Variants in OR6B3 observed in about 807,000 individuals in gnomAD.
The protein encoded by OR6B3 is olfactory receptor 6B3.
For missense variants in OR6B3, 315 were observed against 427.4 expected (o/e 0.74, Z 2.32); for synonymous variants, 148 against 187.8 (o/e 0.79, Z 1.73).
chr2:240,050,644 A>G (rs1698244644), upstream of OR6B3, among the ~76,000 whole-genome samples: 1 of 151,004 alleles, frequency 6.6e-6, no homozygotes, highest in African/African-American at 2.4e-5. Context: ...AACCCGGGAG[A>G]CGGAGGTTGC....
At chr2:240,050,303 A>G (rs891081030), upstream of OR6B3, among the ~76,000 whole-genome samples, 1 of 152,266 alleles carries the variant, frequency 6.6e-6, no homozygotes, top group African/African-American at 2.4e-5. Flanking sequence ...TGACTGCAGA[A>G]TTAACATTTG....
exon 2 of OR6B3, chr2:240,046,034 G>A: frequency 6.2e-7 from 1 of 1,613,776 alleles, no homozygotes; most frequent in Non-Finnish European, 8.5e-7. Flanking sequence ...AGCCCACCAG[G>A]ATGAAGGTGC....
upstream of OR6B3, among the ~76,000 whole-genome samples, chr2:240,049,938 T>A (rs1164392022): frequency 3.9e-5 from 6 of 152,126 alleles, no homozygotes; most frequent in Non-Finnish European, 1.5e-5. Flanking sequence ...ATTGTTAGAG[T>A]AATATGAGTC....
the OR6B3 span, among the ~76,000 whole-genome samples, chr2:240,052,731 G>A: frequency 1.2e-3 from 187 of 152,358 alleles, 3 homozygotes; most frequent in East Asian, 0.031. This position sits in a 1 kb window ranked among gnomAD's most constrained non-coding sequence, Gnocchi z 4.5. Context: ...CTGGAAGCCC[G>A]TGGGCCCGAC....
At chr2:240,051,939 G>A (rs1372139355), upstream of OR6B3, among the ~76,000 whole-genome samples, 1 of 152,162 alleles carries the variant, frequency 6.6e-6, no homozygotes, top group African/African-American at 2.4e-5. Flanking sequence ...CTCCACCAAG[G>A]TCAGGATTAA....
upstream of OR6B3, among the ~76,000 whole-genome samples, chr2:240,048,215 A>G (rs908675610): frequency 2.0e-5 from 3 of 152,230 alleles, no homozygotes; most frequent in African/African-American, 7.2e-5. Context: ...TCTTTCAAGT[A>G]CACCGATTAA....
At chr2:240,051,086 G>C (rs186752565), upstream of OR6B3, among the ~76,000 whole-genome samples, 4 of 152,284 alleles carry the variant, frequency 2.6e-5, no homozygotes, top group East Asian at 7.7e-4. Flanking sequence ...GCAAAAACTT[G>C]TTCTGAAGTA....
At chr2:240,044,996 T>C (rs1393590916), downstream of OR6B3, 2 of 1,382,676 alleles carry the variant, frequency 1.4e-6, no homozygotes, top group Admixed American at 2.3e-5. Context: ...TCAGTTTTTT[T>C]CCTGAAGGAG....
At chr2:240,051,144 C>T (rs1233401858), upstream of OR6B3, among the ~76,000 whole-genome samples, 3 of 152,148 alleles carry the variant, frequency 2.0e-5, no homozygotes, top group Non-Finnish European at 4.4e-5. Context: ...AAAATATGAG[C>T]ATGCAACGCA....
upstream of OR6B3, among the ~76,000 whole-genome samples, chr2:240,051,607 T>C (rs1698256873): frequency 6.6e-6 from 1 of 152,226 alleles, no homozygotes; most frequent in Non-Finnish European, 1.5e-5. Flanking sequence ...AAACTATGTA[T>C]CGATTATTTT....
chr2:240,052,581 C>T, the OR6B3 span, among the ~76,000 whole-genome samples: 1 of 152,080 alleles, frequency 6.6e-6, no homozygotes, highest in Non-Finnish European at 1.5e-5. The surrounding 1 kb of genome is among the most constrained non-coding windows in gnomAD (Gnocchi z 4.5). Context: ...TCATTAAACC[C>T]ATGCTAAAAA....
chr2:240,051,809 C>T (rs1349500011), upstream of OR6B3, among the ~76,000 whole-genome samples: 1 of 152,122 alleles, frequency 6.6e-6, no homozygotes, highest in Non-Finnish European at 1.5e-5. Context: ...TAAAAACTCT[C>T]CCAAAACTTT....
chr2:240,050,910 A>G (rs1574920681), upstream of OR6B3, among the ~76,000 whole-genome samples: 5 of 152,292 alleles, frequency 3.3e-5, no homozygotes, highest in East Asian at 3.9e-4. Context: ...ACCCTGAGAA[A>G]ATATACACTT....
upstream of OR6B3, among the ~76,000 whole-genome samples, chr2:240,050,332 C>T (rs911827690): frequency 6.6e-6 from 1 of 152,198 alleles, no homozygotes; most frequent in Non-Finnish European, 1.5e-5. Context: ...AAATTTCAGA[C>T]CCCAAATGGT....
At chr2:240,048,524 T>C (rs1395578800), upstream of OR6B3, among the ~76,000 whole-genome samples, 2 of 152,092 alleles carry the variant, frequency 1.3e-5, no homozygotes, top group African/African-American at 4.8e-5. Flanking sequence ...GTGAAGCACC[T>C]CTTGCTGCGC....
At chr2:240,046,520 A>G (rs760297496) in intron 1 of OR6B3, among the ~76,000 whole-genome samples, 16 of 152,082 alleles carry the variant, frequency 1.1e-4, no homozygotes, top group Admixed American at 2.0e-4. Flanking sequence ...AAATTGGTAG[A>G]TATATGACCT....
chr2:240,048,283 C>T (rs985630338), upstream of OR6B3, among the ~76,000 whole-genome samples: 4 of 152,128 alleles, frequency 2.6e-5, no homozygotes, highest in African/African-American at 9.7e-5. Flanking sequence ...AAAGTGGAGT[C>T]CCTGGCCCTT....
At chr2:240,047,338 T>C (rs1031615651), upstream of OR6B3, among the ~76,000 whole-genome samples, 5 of 152,228 alleles carry the variant, frequency 3.3e-5, no homozygotes, top group African/African-American at 9.6e-5. Flanking sequence ...ATCCCTATTA[T>C]GAACACTATG....
At chr2:240,047,312 A>T (rs935659811), upstream of OR6B3, among the ~76,000 whole-genome samples, 12 of 152,202 alleles carry the variant, frequency 7.9e-5, no homozygotes, top group African/African-American at 2.9e-4. Flanking sequence ...GGGATGGGCT[A>T]AGTAAGTTTT....
Sources: gnomAD v4.1 joint callset for allele counts (sites outside exome capture counted in the v4.1 genomes callset) on GRCh38, gnomAD v4.1.1 for gene constraint, Gnocchi (gnomAD v3.1) non-coding constraint, MANE v1.5 for transcripts, NCBI Gene and HGNC (gene_info 2026-07-23, HGNC 2026-07-21) for gene names.